Variants in COL5A2 observed in about 807,000 individuals in gnomAD.
The protein encoded by COL5A2 is collagen type V alpha 2 chain.
A neutral mutation model predicts 208.2 loss-of-function variants in COL5A2; 23 were observed. That is an observed-to-expected ratio of 0.11 (90% CI 0.08 to 0.16). The LOEUF (loss-of-function observed/expected upper bound fraction) is 0.16, where lower values mean the gene tolerates loss of function less well. Among genes scored for constraint, COL5A2 ranks in the 10% least tolerant of loss-of-function variants. The pLI is 1.00. For synonymous variants in COL5A2, 625 were observed against 628.5 expected, an observed-to-expected ratio of 0.99 and a Z score of 0.08; for missense variants, 1,590 against 1,956.4, an observed-to-expected ratio of 0.81 and a Z score of 3.53.
At position 189,038,543 on chromosome 2, in the gene COL5A2, C is replaced by A. The variant is rs1325710474; in HGVS notation, c.3925+729G>T. ...ACGATTTATTTTCCTTTGGGATATA[C>A]CAAATCACAGGATTGCTGGGTCAAA... is the stretch of plus-strand genomic sequence containing the variant. On this transcript the variant is annotated intron_variant, in intron 51 of 53. Coordinates refer to ENST00000374866, the MANE Select transcript of COL5A2 (RefSeq NM_000393.5). Among the ~76,000 whole-genome samples, 10 of 152,234 alleles carry A rather than the reference C, an allele frequency of 6.6e-5. No individual in the cohort carries two copies. The East Asian group carries it at 1.4e-3, about 21-fold the overall frequency.
the COL5A2 span, among the ~76,000 whole-genome samples, chr2:189,241,607 G>A: frequency 1.3e-5 from 2 of 152,152 alleles, no homozygotes; most frequent in Non-Finnish European, 2.9e-5. Context: ...GATCACTTGA[G>A]CCCAGGAGGT....
At chr2:189,072,676 G>T (rs996063655) in intron 17 of COL5A2, among the ~76,000 whole-genome samples, 4 of 148,770 alleles carry the variant, frequency 2.7e-5, no homozygotes, top group Non-Finnish European at 5.9e-5. Flanking sequence ...GGAGGCTGAG[G>T]CAGGAGAATT....
the COL5A2 span, among the ~76,000 whole-genome samples, chr2:189,349,441 C>T: frequency 6.6e-6 from 1 of 152,202 alleles, no homozygotes; most frequent in Non-Finnish European, 1.5e-5. Flanking sequence ...ACCATAAAAA[C>T]AGGATACTGT....
chr2:189,359,630 T>C, the COL5A2 span, among the ~76,000 whole-genome samples: 1 of 152,196 alleles, frequency 6.6e-6, no homozygotes, highest in Admixed American at 6.5e-5. Context: ...TGGAATAGTT[T>C]GAGTAGAATT....
chr2:189,051,361 C>G lies in COL5A2; in HGVS notation c.2890G>C (p.Gly964Arg), dbSNP rs1685782725. ...CCTGGGTCCCCTTTGTCTCCTGGGC[C>G]ACCAGGGGGGCCAGCTGGTCCTCGA... ...GDRGPAGPPG[G>R]PGDKGDPGED... is the part of the protein sequence containing the mutation. The change falls in exon 42 of 54, where the codon GGC (glycine) becomes CGC (arginine). Residue 964 changes from glycine to arginine, a missense_variant. Coordinates refer to ENST00000374866, the MANE Select transcript of COL5A2 (RefSeq NM_000393.5). 1 of 1,613,842 alleles carries G rather than the reference C, an allele frequency of 6.2e-7. No homozygotes were observed. The highest frequency in any genetic ancestry group is 1.3e-5 in the African/African-American group (1 of 74,888).
the COL5A2 span, among the ~76,000 whole-genome samples, chr2:189,301,506 C>G: frequency 0.037 from 5,611 of 152,158 alleles, 118 homozygotes; most frequent in Admixed American, 0.05. Context: ...GTTTTTTCCT[C>G]ACAGTGCAGT....
chr2:189,032,100 A>C lies in COL5A2; in HGVS notation c.*1970T>G, dbSNP rs548360577. On this transcript the variant is annotated 3_prime_UTR_variant, in exon 54 of 54. Coordinates refer to ENST00000374866, the MANE Select transcript of COL5A2 (RefSeq NM_000393.5). ...TGTATTTAGGCATATAAATACTCAA[A>C]TTTAAGATATACAGGTCAAAATATA... The C allele has an allele frequency of 1.3e-5, 2 of 152,300 alleles. No homozygotes were observed. The highest frequency in any genetic ancestry group is 6.5e-5 in the Admixed American group (1 of 15,286). 9.4% of individuals were successfully genotyped at this position (152,300 alleles called of 1,614,324 possible).
intron 2 of COL5A2, among the ~76,000 whole-genome samples, chr2:189,109,027 T>C (rs1193038397): frequency 6.6e-6 from 1 of 151,724 alleles, no homozygotes; most frequent in Non-Finnish European, 1.5e-5. Flanking sequence ...ACATGGTCTA[T>C]AGCAATATAT....
At chr2:189,091,062 C>G (rs965526898) in intron 7 of COL5A2, among the ~76,000 whole-genome samples, 11 of 152,228 alleles carry the variant, frequency 7.2e-5, no homozygotes, top group African/African-American at 2.6e-4. Flanking sequence ...ATTCTAGGTG[C>G]CATTAAGAAC....
chr2:189,286,648 C>G, the COL5A2 span, among the ~76,000 whole-genome samples: 5 of 151,994 alleles, frequency 3.3e-5, no homozygotes, highest in African/African-American at 1.2e-4. Context: ...TTACAGTCTT[C>G]AATGGTTTTA....
chr2:189,426,746 G>A, the COL5A2 span, among the ~76,000 whole-genome samples: 3 of 152,212 alleles, frequency 2.0e-5, no homozygotes, highest in African/African-American at 4.8e-5. Flanking sequence ...CTGCTCTAGC[G>A]ATGTGTGGAA....
chr2:189,422,514 A>G, the COL5A2 span, among the ~76,000 whole-genome samples: 2 of 152,226 alleles, frequency 1.3e-5, no homozygotes, highest in Admixed American at 6.5e-5. Flanking sequence ...GAAATCAGTC[A>G]GAAAGCATAG....
chr2:189,243,236 G>A, the COL5A2 span, among the ~76,000 whole-genome samples: 1 of 151,578 alleles, frequency 6.6e-6, no homozygotes. Context: ...GAGGGAGAGA[G>A]GAAGGAAGAC....
At chr2:189,059,420 A>G (rs910142582) in intron 31 of COL5A2, among the ~76,000 whole-genome samples, 1 of 151,920 alleles carries the variant, frequency 6.6e-6, no homozygotes, top group African/African-American at 2.4e-5. Flanking sequence ...TTGTTCTTAC[A>G]TAAAAGAAAG....
intron 1 of COL5A2, among the ~76,000 whole-genome samples, chr2:189,212,854 T>C (rs1689232903): frequency 7.6e-6 from 1 of 131,062 alleles, no homozygotes; most frequent in African/African-American, 2.9e-5. Context: ...ACACTATAAA[T>C]ATAGTGTTAA....
the COL5A2 span, among the ~76,000 whole-genome samples, chr2:189,296,274 T>G: frequency 6.6e-6 from 1 of 152,204 alleles, no homozygotes; most frequent in African/African-American, 2.4e-5. Flanking sequence ...CTAGGACTTC[T>G]GTTGGTTTTT....
chr2:189,173,052 C>G (rs913323025), intron 1 of COL5A2, among the ~76,000 whole-genome samples: 8 of 147,766 alleles, frequency 5.4e-5, no homozygotes, highest in Non-Finnish European at 1.0e-4. Context: ...CTCACTGCAG[C>G]CTCCCCCTCC....
At chr2:189,164,266 A>T (rs1688424369) in intron 1 of COL5A2, among the ~76,000 whole-genome samples, 1 of 152,226 alleles carries the variant, frequency 6.6e-6, no homozygotes, top group Non-Finnish European at 1.5e-5. Context: ...AGAAAAAGTA[A>T]TAATAATAGT....
chr2:189,230,596 T>C, the COL5A2 span, among the ~76,000 whole-genome samples: 471 of 152,032 alleles, frequency 3.1e-3, 2 homozygotes, highest in African/African-American at 0.01. Context: ...TACTCCTCAC[T>C]AATTATCAGA....
Sources: allele counts gnomAD v4.1 joint callset (sites outside exome capture counted in the v4.1 genomes callset), GRCh38; gene constraint gnomAD v4.1.1; transcripts MANE v1.5; gene names NCBI Gene and HGNC (gene_info 2026-07-23, HGNC 2026-07-21).